Variants in DACH2 observed in about 807,000 individuals in gnomAD.
DACH2 encodes dachshund family transcription factor 2, also known as dachshund homolog 2.
DACH2 carries 17 observed loss-of-function variants against 35.8 expected under a neutral mutation model. The ratio of observed to expected loss-of-function variants is 0.48; its 90% CI spans 0.33 to 0.71. The LOEUF (loss-of-function observed/expected upper bound fraction) is 0.71. DACH2 is among the 30% of genes least tolerant of loss of function. The pLI is 0.02. For synonymous variants in DACH2, 195 were observed against 177.3 expected (o/e 1.10, Z -0.79); for missense variants, 469 against 472.7 (o/e 0.99, Z 0.07).
rs770427971 is a variant in DACH2 at position 86,673,866 on chromosome X, G to A, written c.773-21155G>A. Among the ~76,000 whole-genome samples, 352 of 111,269 alleles carry A rather than the reference G, an allele frequency of 3.2e-3. 2 individuals carry two copies. Among genetic ancestry groups the A allele is most frequent in the African/African-American group, 9.4e-3 (287 of 30,615 alleles). The stretch of plus-strand genomic sequence containing the variant: ...AAAAGTGTGTAGCACCTCCCCCTTC[G>A]CTCTCTTCCTCCTTCTCCAGCCATG... On this transcript the variant is annotated intron_variant, in intron 4 of 11. Coordinates refer to ENST00000373125, the MANE Select transcript of DACH2 (RefSeq NM_053281.3).
At chrX:86,805,928 CACA>C (rs1238800791) in intron 7 of DACH2, among the ~76,000 whole-genome samples, 1 of 91,650 alleles carries the variant, frequency 1.1e-5, no homozygotes. Flanking sequence ...GCATTTTAGT[CACA>C]ACAATTTAAA....
intron 1 of DACH2, among the ~76,000 whole-genome samples, chrX:86,228,605 T>A (rs1386144839): frequency 4.5e-5 from 5 of 111,375 alleles, no homozygotes; most frequent in African/African-American, 6.5e-5. Flanking sequence ...TCCCTGATCA[T>A]CGCATCTACG....
chrX:86,426,170 T>C (rs968742411), intron 2 of DACH2, among the ~76,000 whole-genome samples: 1 of 111,482 alleles, frequency 9.0e-6, no homozygotes, highest in Non-Finnish European at 1.9e-5. Context: ...TAAAGTTAGC[T>C]AGGCAAAAGA....
At chrX:86,809,560 A>G (rs1216764297) in intron 7 of DACH2, among the ~76,000 whole-genome samples, 1 of 112,065 alleles carries the variant, frequency 8.9e-6, no homozygotes, top group Non-Finnish European at 1.9e-5. Context: ...TGCATACACT[A>G]AAACATAATA....
chrX:86,539,429 G>T (rs2038849693), intron 3 of DACH2, among the ~76,000 whole-genome samples: 1 of 111,662 alleles, frequency 9.0e-6, no homozygotes, highest in African/African-American at 3.3e-5. Context: ...CCTTCCAGAA[G>T]AAATTTGTAG....
At chrX:86,657,778 T>C (rs1266415195) in intron 4 of DACH2, among the ~76,000 whole-genome samples, 1 of 111,602 alleles carries the variant, frequency 9.0e-6, no homozygotes, top group Admixed American at 9.6e-5. Flanking sequence ...AATTTCATCA[T>C]TGTTATTAGT....
intron 2 of DACH2, among the ~76,000 whole-genome samples, chrX:86,432,386 T>C (rs2036997970): frequency 8.9e-6 from 1 of 112,140 alleles, no homozygotes; most frequent in Non-Finnish European, 1.9e-5. Context: ...AGCTCAGGGT[T>C]CTGTTTTCCC....
intron 6 of DACH2, among the ~76,000 whole-genome samples, chrX:86,733,245 T>C (rs2041552552): frequency 9.0e-6 from 1 of 111,653 alleles, no homozygotes; most frequent in African/African-American, 3.3e-5. Flanking sequence ...CTTTGGGCAG[T>C]GTTTCCAACA....
chrX:86,505,587 C>T (rs1304642942), intron 2 of DACH2, among the ~76,000 whole-genome samples: 2 of 110,489 alleles, frequency 1.8e-5, no homozygotes, highest in Non-Finnish European at 3.8e-5. Flanking sequence ...CCAAAAGTTT[C>T]ATCTATGTTG....
intron 2 of DACH2, among the ~76,000 whole-genome samples, chrX:86,432,133 C>T (rs1052671265): frequency 2.7e-5 from 3 of 111,995 alleles, no homozygotes; most frequent in Admixed American, 9.5e-5. Context: ...CACTGAAACA[C>T]GCTTCAACAG....
intron 5 of DACH2, among the ~76,000 whole-genome samples, chrX:86,709,092 C>A (rs1352507168): frequency 1.8e-5 from 2 of 111,190 alleles, no homozygotes; most frequent in African/African-American, 3.3e-5. Context: ...CCCACAATAG[C>A]CAGCAAAGTA....
chrX:86,383,947 G>A (rs1426077251), intron 2 of DACH2, among the ~76,000 whole-genome samples: 1 of 111,230 alleles, frequency 9.0e-6, no homozygotes, highest in Non-Finnish European at 1.9e-5. Context: ...GTCTCAGGCT[G>A]TGTGTTTCTT....
At chrX:86,243,702 GT>G (rs2033218276) in intron 1 of DACH2, among the ~76,000 whole-genome samples, 1 of 111,992 alleles carries the variant, frequency 8.9e-6, no homozygotes, top group Non-Finnish European at 1.9e-5. Context: ...TATTTCTTTA[GT>G]TCATCAGAAT....
At chrX:86,694,013 C>T (rs1389148215) in intron 4 of DACH2, among the ~76,000 whole-genome samples, 2 of 110,929 alleles carry the variant, frequency 1.8e-5, no homozygotes, top group Non-Finnish European at 1.9e-5. Context: ...ATTAAATATA[C>T]GTATTTTACA....
chrX:86,581,016 C>T (rs1391346759), intron 3 of DACH2, among the ~76,000 whole-genome samples: 1 of 111,419 alleles, frequency 9.0e-6, no homozygotes, highest in African/African-American at 3.3e-5. Context: ...ACAAAGGGAA[C>T]CCCATCAGGC....
At chrX:86,239,679 A>G (rs897135481) in intron 1 of DACH2, among the ~76,000 whole-genome samples, 1 of 111,818 alleles carries the variant, frequency 8.9e-6, no homozygotes, top group African/African-American at 3.3e-5. Flanking sequence ...GTGCCTTTGT[A>G]TCTTTTGGTA....
At chrX:86,375,291 A>T (rs2035945337) in intron 1 of DACH2, among the ~76,000 whole-genome samples, 1 of 103,978 alleles carries the variant, frequency 9.6e-6, no homozygotes, top group Non-Finnish European at 2.0e-5. Flanking sequence ...GCCATAGGAG[A>T]TGTAAATGAT....
intron 2 of DACH2, among the ~76,000 whole-genome samples, chrX:86,430,442 A>T (rs184319035): frequency 1.5e-3 from 174 of 112,805 alleles, no homozygotes; most frequent in Non-Finnish European, 2.6e-3. Context: ...TAGCTGATTA[A>T]TTATACTTTT....
At chrX:86,608,475 A>C (rs1479227605) in intron 3 of DACH2, among the ~76,000 whole-genome samples, 1 of 112,243 alleles carries the variant, frequency 8.9e-6, no homozygotes, top group Non-Finnish European at 1.9e-5. Flanking sequence ...AGTAGTTGAC[A>C]TACCACAGTT....
Sources: allele counts gnomAD v4.1 joint callset (sites outside exome capture counted in the v4.1 genomes callset), GRCh38; gene constraint gnomAD v4.1.1; transcripts MANE v1.5; gene names NCBI Gene and HGNC (gene_info 2026-07-23, HGNC 2026-07-21).